Variants in GNG4 observed in about 807,000 individuals in gnomAD.
GNG4 encodes the protein guanine nucleotide-binding protein G(I)/G(S)/G(O) subunit gamma-4.
Under a neutral mutation model 5.8 loss-of-function variants are expected in GNG4, and 4 were observed. The observed-to-expected ratio is 0.69, with a 90% CI of 0.34 to 1.57. The LOEUF (loss-of-function observed/expected upper bound fraction) is 1.57. Ranked by LOEUF, GNG4 falls within the 40% of genes most tolerant of loss-of-function variation. The pLI, the probability that GNG4 is intolerant of heterozygous loss-of-function variation, is 0.06. For missense variants in GNG4, 96 were observed against 95.1 expected (o/e 1.01, Z -0.04); for synonymous variants, 29 against 32.9 (o/e 0.88, Z 0.41).
chr1:235,582,448 T>C (rs1178964476), intron 3 of GNG4, among the ~76,000 whole-genome samples: 1 of 152,232 alleles, frequency 6.6e-6, no homozygotes, highest in African/African-American at 2.4e-5. Context: ...AAGTCTTCCC[T>C]GAGCCATACG....
intron 1 of GNG4, among the ~76,000 whole-genome samples, chr1:235,607,781 C>G (rs4659565): frequency 0.46 from 70,554 of 151,954 alleles, 19,780 homozygotes; most frequent in African/African-American, 0.77. Flanking sequence ...CATGAGGCCA[C>G]CCTCCCTGCC....
At chr1:235,554,040 G>T (rs425581) in intron 3 of GNG4, among the ~76,000 whole-genome samples, 41,766 of 152,116 alleles carry the variant, frequency 0.27, 6,653 homozygotes, top group Non-Finnish European at 0.36. Flanking sequence ...GATGGGTGAG[G>T]CTCAGGGGAA....
chr1:235,552,140 C>G lies in GNG4; in HGVS notation c.197G>C (p.Arg66Pro). Residue 66 changes from arginine (R) to proline (P), a missense_variant, in exon 4 of 4, where the codon CGC becomes CCC. Coordinates refer to ENST00000391854, the MANE Select transcript of GNG4 (RefSeq NM_001098722.2). Reference protein sequence around the residue: ...IPVPASENPFREKKFFCTIL With the variant: ...IPVPASENPFPEKKFFCTIL Reference sequence around the variant, plus strand: ...AATGGTACAAAAGAACTTCTTCTCGCGAAAGGGGTTTTCTGATGCAGGCAC... The same window carrying G: ...AATGGTACAAAAGAACTTCTTCTCGGGAAAGGGGTTTTCTGATGCAGGCAC... 1 of 1,613,960 alleles carries G rather than the reference C, an allele frequency of 6.2e-7. No homozygotes were observed. The highest frequency in any genetic ancestry group is 8.5e-7 in the Non-Finnish European group (1 of 1,179,886).
At chr1:235,622,188 T>A (rs941194157) in intron 1 of GNG4, among the ~76,000 whole-genome samples, 2 of 152,222 alleles carry the variant, frequency 1.3e-5, no homozygotes, top group Non-Finnish European at 2.9e-5. Flanking sequence ...AAATATTTTC[T>A]AATTTCTCTT....
At chr1:235,565,822 T>C (rs1687179748) in intron 3 of GNG4, 1 of 152,250 alleles carries the variant, frequency 6.6e-6, no homozygotes, top group African/African-American at 2.4e-5. Flanking sequence ...CAGTCGTTCC[T>C]ATGGAGTTCA....
chr1:235,614,003 G>A (rs567063904), intron 1 of GNG4, among the ~76,000 whole-genome samples: 47 of 152,248 alleles, frequency 3.1e-4, no homozygotes, highest in African/African-American at 9.9e-4. Flanking sequence ...TTGTAGAGAC[G>A]GGCTTCATCA....
chr1:235,602,294 C>T (rs1361175815), intron 1 of GNG4, among the ~76,000 whole-genome samples: 1 of 151,976 alleles, frequency 6.6e-6, no homozygotes, highest in Non-Finnish European at 1.5e-5. Flanking sequence ...AAAAAAGAAG[C>T]TCTGGGCGTG....
At chr1:235,568,575 C>T (rs573808514) in intron 3 of GNG4, among the ~76,000 whole-genome samples, 5 of 152,236 alleles carry the variant, frequency 3.3e-5, no homozygotes, top group African/African-American at 1.2e-4. Context: ...ATCTATGTTG[C>T]CATGGACATA....
At chr1:235,618,465 A>T (rs772994639) in intron 1 of GNG4, among the ~76,000 whole-genome samples, 13 of 152,166 alleles carry the variant, frequency 8.5e-5, no homozygotes, top group Non-Finnish European at 1.2e-4. Context: ...TGCAGGGCTC[A>T]CTGTGTGAAT....
chr1:235,633,163 G>A (rs1179263160), intron 1 of GNG4, among the ~76,000 whole-genome samples: 2 of 152,208 alleles, frequency 1.3e-5, no homozygotes, highest in Admixed American at 1.3e-4. Context: ...AGAGTCTGAC[G>A]CAGTTGTTGT....
chr1:235,627,638 C>T (rs1013089208), intron 1 of GNG4, among the ~76,000 whole-genome samples: 1 of 152,176 alleles, frequency 6.6e-6, no homozygotes, highest in African/African-American at 2.4e-5. Context: ...ATGCAGGAAC[C>T]AGCTGCGGCA....
chr1:235,588,077 C>T (rs1425705577), intron 2 of GNG4, among the ~76,000 whole-genome samples: 1 of 151,944 alleles, frequency 6.6e-6, no homozygotes, highest in African/African-American at 2.4e-5. Context: ...GCTGTTCAGA[C>T]GGCCCTGATC....
At chr1:235,586,080 G>C (rs1419812947) in intron 2 of GNG4, among the ~76,000 whole-genome samples, 1 of 152,168 alleles carries the variant, frequency 6.6e-6, no homozygotes, top group East Asian at 1.9e-4. Flanking sequence ...AACTACATTT[G>C]TCCAAAGGCA....
At chr1:235,594,852 G>C (rs1216541951) in intron 2 of GNG4, among the ~76,000 whole-genome samples, 1 of 152,202 alleles carries the variant, frequency 6.6e-6, no homozygotes, top group Non-Finnish European at 1.5e-5. Context: ...AGGGCTGAAG[G>C]GCTCCTCAAG....
intron 3 of GNG4, among the ~76,000 whole-genome samples, chr1:235,560,662 TAGGG>T (rs1445561610): frequency 5.3e-5 from 8 of 152,222 alleles, no homozygotes; most frequent in Admixed American, 2.0e-4. Flanking sequence ...CAGAAATTAT[TAGGG>T]CATTGGATGC....
Position 235,550,878 on chromosome 1 carries a change from A to C in GNG4, c.*1231T>G, listed in dbSNP as rs1379364013. The C allele has an allele frequency of 6.6e-6, 1 of 152,178 alleles. No individual in the cohort carries two copies. The highest frequency in any genetic ancestry group is 1.5e-5 in the Non-Finnish European group (1 of 68,040). 9.4% of individuals were successfully genotyped at this position (152,178 alleles called of 1,614,324 possible). A position where few individuals can be genotyped will look rare whatever the true frequency, so the allele number is the denominator to read the frequency against. On this transcript the variant is annotated 3_prime_UTR_variant, in exon 4 of 4. Coordinates refer to ENST00000391854, the MANE Select transcript of GNG4 (RefSeq NM_001098722.2). ...TGGAAGATTGAGTACCTTAATGCAC[A>C]CCAATGCTCAGATGACTTGGGGGCA...
chr1:235,607,692 A>T (rs954009299), intron 1 of GNG4, among the ~76,000 whole-genome samples: 1 of 152,252 alleles, frequency 6.6e-6, no homozygotes, highest in East Asian at 1.9e-4. Context: ...ATGCCATCCC[A>T]TCGGCACGGC....
At chr1:235,628,392 G>A (rs974178320) in intron 1 of GNG4, among the ~76,000 whole-genome samples, 18 of 151,012 alleles carry the variant, frequency 1.2e-4, no homozygotes, top group African/African-American at 4.2e-4. Flanking sequence ...GGGTGGTTGG[G>A]GGCCACAAAG....
intron 1 of GNG4, among the ~76,000 whole-genome samples, chr1:235,645,959 A>G (rs1657500350): frequency 6.6e-6 from 1 of 152,172 alleles, no homozygotes; most frequent in South Asian, 2.1e-4. Flanking sequence ...CACCAGGAGG[A>G]GGTCCAGGCA....
Sources: allele counts gnomAD v4.1 joint callset (sites outside exome capture counted in the v4.1 genomes callset), GRCh38; gene constraint gnomAD v4.1.1; transcripts MANE v1.5; gene names NCBI Gene and HGNC (gene_info 2026-07-23, HGNC 2026-07-21).